Variants in GIGYF1 observed in about 807,000 individuals in gnomAD.
GIGYF1 encodes the protein GRB10 interacting GYF protein 1.
Under a neutral mutation model 147.1 loss-of-function variants are expected in GIGYF1, and 84 were observed. The ratio of observed to expected loss-of-function variants is 0.57; its 90% CI spans 0.48 to 0.68. The LOEUF is 0.68. Ranked by LOEUF, GIGYF1 falls within the 30% of genes least tolerant of loss-of-function variation. GIGYF1 has a pLI of 0.00. For synonymous variants in GIGYF1, 752 were observed against 589.5 expected, an observed-to-expected ratio of 1.28 and a Z score of -3.99; for missense variants, 1,485 against 1,393.7, an observed-to-expected ratio of 1.07 and a Z score of -1.04.
rs766950853 is a variant in GIGYF1 at position 100,685,157 on chromosome 7, T to C, written c.1193-11A>G. ...TCCCCCGAATATCATCTGGAAGGCA[T>C]GAGATAGGAGGTGGAAAGAAGGGCG... On this transcript the variant is annotated splice_polypyrimidine_tract_variant and intron_variant, in intron 13 of 26. Coordinates refer to ENST00000678049, the MANE Select transcript of GIGYF1 (RefSeq NM_001375765.1). The C allele has an allele frequency of 9.6e-6, 15 of 1,567,018 alleles. No individual in the cohort carries two copies. The highest frequency in any genetic ancestry group is 1.2e-5 in the Non-Finnish European group (14 of 1,151,044).
intron 8 of GIGYF1, 68 bp downstream of exon 8, chr7:100,687,230 A>G (rs1805442219): frequency 3.3e-5 from 50 of 1,506,346 alleles, no homozygotes; most frequent in Non-Finnish European, 4.4e-5. Flanking sequence ...GTTACCCTCT[A>G]GCGACAGGGC....
At position 100,685,113 on chromosome 7, in the gene GIGYF1, A is replaced by G; in HGVS notation, c.1226T>C (p.Val409Ala). The G allele has an allele frequency of 6.3e-7, 1 of 1,578,738 alleles. No homozygotes were observed. The change falls in exon 14 of 27, where the codon GTG (valine) becomes GCG (alanine). Residue 409 changes from valine to alanine, a missense_variant. By Grantham distance (64) the Val-to-Ala change is moderately conservative. Coordinates refer to ENST00000678049, the MANE Select transcript of GIGYF1 (RefSeq NM_001375765.1). ...TCCGGGTGGGCCAGCAGAGGAGCCC[A>G]CCCCGGGACTCAGCTGGATCCCCCG... ...DIRGIQLSPG[V>A]GSSAGPPGDL...
Position 100,683,925 on chromosome 7 carries a change from A to T in GIGYF1, c.1869-7T>A. ...CAGGTTCTGGTCCCCGCCTCTGAGGAGCAAATTGTGGATTCTTAGGACCCC... is the reference window on the plus strand; with the variant it reads ...CAGGTTCTGGTCCCCGCCTCTGAGGTGCAAATTGTGGATTCTTAGGACCCC... On this transcript the variant is annotated splice_polypyrimidine_tract_variant and splice_region_variant and intron_variant, in intron 18 of 26. Coordinates refer to ENST00000678049, the MANE Select transcript of GIGYF1 (RefSeq NM_001375765.1). 6.4e-7 allele frequency: 1 copy of T among 1,557,254 alleles called. No homozygotes were observed. Among genetic ancestry groups the T allele is most frequent in the Non-Finnish European group, 8.7e-7 (1 of 1,150,542 alleles).
chr7:100,685,556 G>A (rs1454249926), intron 12 of GIGYF1, 75 bp from the exon 13 acceptor site: 4 of 1,541,730 alleles, frequency 2.6e-6, no homozygotes, highest in Admixed American at 2.2e-5. Context: ...GCCCTTGAGT[G>A]TGGCTGGAAC....
At position 100,681,954 on chromosome 7, in the gene GIGYF1, G is replaced by A; in HGVS notation, c.2965C>T (p.Gln989Ter). 6.2e-7 allele frequency: 1 copy of A among 1,609,534 alleles called. No individual in the cohort carries two copies. The highest frequency in any genetic ancestry group is 8.5e-7 in the Non-Finnish European group (1 of 1,179,932). ...CCGAGTTTGGTGCTGTGGTTGGCCTGGAAGGCCGTCTGCAGCGAGGCGCTG... is the reference window on the plus strand; with the variant it reads ...CCGAGTTTGGTGCTGTGGTTGGCCTAGAAGGCCGTCTGCAGCGAGGCGCTG... ...LSSASLQTAF[Q>*]ANHSTKLGPG... The change falls in exon 26 of 27, where the codon CAG becomes TAG. Residue 989 changes from glutamine to a stop codon, truncating the protein, a stop_gained. Transcript: ENST00000678049. LOFTEE classifies it high-confidence loss of function.
rs370684447 is a variant in GIGYF1 at position 100,682,273 on chromosome 7, G to A, written c.2762-38C>T. The A allele has an allele frequency of 5.2e-5, 84 of 1,607,906 alleles. No homozygotes were observed. In the South Asian group the frequency reaches 6.8e-4, roughly 13 times the overall value. ...CGAAGGCTGTCAGGGCCCCCTGGCC[G>A]GGTCTGGAGACCCAGGTCCCGCCCA... On this transcript the variant is annotated intron_variant, in intron 24 of 26. Transcript: ENST00000678049.
At chr7:100,687,077 C>T in intron 8 of GIGYF1, 31 bp from the exon 9 acceptor site, 1 of 1,613,676 alleles carries the variant, frequency 6.2e-7, no homozygotes, top group African/African-American at 1.3e-5. Flanking sequence ...GGGTCAGAAA[C>T]AGTACAGCCT....
rs766468012 is a variant in GIGYF1, at chr7:100,686,083, C to T, written c.949-4G>A. On this transcript the variant is annotated splice_region_variant and splice_polypyrimidine_tract_variant and intron_variant, in intron 11 of 26. Coordinates refer to ENST00000678049, the MANE Select transcript of GIGYF1 (RefSeq NM_001375765.1). ...GAATGGGCTCCTTGGGGCCCTTCTG[C>T]ATGGGGCCGGGGTGGGGAGCAGAGA... 8 of 1,606,200 alleles carry T rather than the reference C, an allele frequency of 5.0e-6. No homozygotes were observed. The highest frequency in any genetic ancestry group is 6.0e-6 in the Non-Finnish European group (7 of 1,175,128).
At chr7:100,684,958 G>C in intron 14 of GIGYF1, 64 bp from the exon 15 acceptor site, 1 of 1,585,826 alleles carries the variant, frequency 6.3e-7, no homozygotes, top group Non-Finnish European at 8.6e-7. Context: ...GATGGGGATG[G>C]GGATGGAGCT....
rs1805082420 is a variant in GIGYF1, at chr7:100,684,133, G to A, written c.1755C>T (p.Leu585=). The change falls in exon 18 of 27, where the codon CTC becomes CTT. Residue 585 remains leucine (L), a synonymous_variant. Coordinates refer to ENST00000678049, the MANE Select transcript of GIGYF1 (RefSeq NM_001375765.1). Reference sequence around the variant, plus strand: ...GGTCCCCCAGAGCTGCCTTTTCTCGGAGCGCGCACTGTGGGAGCTGGCGGC... The same window carrying A: ...GGTCCCCCAGAGCTGCCTTTTCTCGAAGCGCGCACTGTGGGAGCTGGCGGC... ...VSSRQLPQCA[L]REKAALGDLT... is the part of the protein sequence containing the mutation. 1 of 1,608,930 alleles carries A rather than the reference G, an allele frequency of 6.2e-7. No individual in the cohort carries two copies. Among genetic ancestry groups the A allele is most frequent in the Non-Finnish European group, 8.5e-7 (1 of 1,179,732 alleles).
rs368438506 is a variant in GIGYF1, at chr7:100,682,531, G to A, written c.2601-49C>T. 3.8e-6 allele frequency: 6 copies of A among 1,598,814 alleles called. No individual in the cohort carries two copies. In the African/African-American group the frequency reaches 8.0e-5, roughly 21 times the overall value. ...GTTGGAAATCAGCTGGCAGGGGTTG[G>A]GGGGGTCTGCCACCTTCCCCCTCAG... On this transcript the variant is annotated intron_variant, in intron 23 of 26. Coordinates refer to ENST00000678049, the MANE Select transcript of GIGYF1 (RefSeq NM_001375765.1).
Position 100,684,889 on chromosome 7 carries a change from C to T in GIGYF1, c.1296G>A (p.Ala432=), listed in dbSNP as rs1215707923. 8 of 1,604,516 alleles carry T rather than the reference C, an allele frequency of 5.0e-6. No homozygotes were observed. Among genetic ancestry groups the T allele is most frequent in the Middle Eastern group, 3.3e-4 (2 of 6,016 alleles). ...CCTGCAGGGAGGCCACCAGCTTCTC[C>T]GCCTCCTGGATGCCCAGAAAAAGAA... ...DEGLKHLQQE[A]EKLVASLQDS... Residue 432 remains alanine, a synonymous_variant, in exon 15 of 27, where the codon GCG becomes GCA. Coordinates refer to ENST00000678049, the MANE Select transcript of GIGYF1 (RefSeq NM_001375765.1).
Position 100,682,430 on chromosome 7 carries a change from C to CT in GIGYF1, c.2652dup (p.Glu885ArgfsTer52). 1 of 1,613,692 alleles carries CT rather than the reference C, an allele frequency of 6.2e-7. No individual in the cohort carries two copies. The highest frequency in any genetic ancestry group is 8.5e-7 in the Non-Finnish European group (1 of 1,180,002). ...TGCAGCAGCTTCAGCAGCTTCTCTT[C>CT]TTCCTCCGTCTTTTTGCGAATGGGC... On this transcript the variant is annotated frameshift_variant, in exon 24 of 27. Coordinates refer to ENST00000678049, the MANE Select transcript of GIGYF1 (RefSeq NM_001375765.1). LOFTEE classifies it high-confidence loss of function.
Position 100,686,365 on chromosome 7 carries a change from G to C in GIGYF1, c.763C>G (p.Arg255Gly). Residue 255 changes from arginine (R) to glycine (G), a missense_variant, in exon 11 of 27, where the codon CGA (arginine) becomes GGA (glycine). Physicochemically the swap from Arg to Gly is moderately radical, Grantham distance 125. Coordinates refer to ENST00000678049, the MANE Select transcript of GIGYF1 (RefSeq NM_001375765.1). ...TCACCACACCCTCCTCGATCCCCTCGCAAATCAAATTCAAACTTGCGCCGC... is the reference window on the plus strand; with the variant it reads ...TCACCACACCCTCCTCGATCCCCTCCCAAATCAAATTCAAACTTGCGCCGC... ...ERRRKFEFDL[R>G]GDRGGCGEEE... is the part of the protein sequence containing the mutation. The C allele has an allele frequency of 1.2e-5, 19 of 1,606,238 alleles. No individual in the cohort carries two copies. Among genetic ancestry groups the C allele is most frequent in the Non-Finnish European group, 1.6e-5 (19 of 1,177,448 alleles).
intron 19 of GIGYF1, 83 bp from the exon 20 acceptor site, chr7:100,683,715 C>T (rs1805025121): frequency 1.3e-6 from 2 of 1,555,762 alleles, no homozygotes; most frequent in African/African-American, 2.7e-5. Context: ...GTGGGCTCCC[C>T]AGCCAGAATG....
At chr7:100,682,819 C>T in intron 22 of GIGYF1, 42 bp from the exon 23 acceptor site, 1 of 1,503,978 alleles carries the variant, frequency 6.6e-7, no homozygotes, top group Non-Finnish European at 8.9e-7. Flanking sequence ...ACAAAGGCAC[C>T]CCAGAAAAGC....
chr7:100,690,327 G>C (rs1462956891), intron 1 of GIGYF1, among the ~76,000 whole-genome samples: 1 of 152,166 alleles, frequency 6.6e-6, no homozygotes, highest in African/African-American at 2.4e-5. Context: ...GGAGGCATGA[G>C]GGTGGGAGAG....
At position 100,683,939 on chromosome 7, in the gene GIGYF1, T is replaced by G. The variant is rs750899316; in HGVS notation, c.1869-21A>C. On this transcript the variant is annotated intron_variant, in intron 18 of 26. Transcript: ENST00000678049. ...CGCCTCTGAGGAGCAAATTGTGGAT[T>G]CTTAGGACCCCAAATCCATCTCTGG... 40 of 1,559,710 alleles carry G rather than the reference T, an allele frequency of 2.6e-5. No individual in the cohort carries two copies. In the East Asian group the frequency reaches 5.2e-4, roughly 20 times the overall value.
chr7:100,690,714 G>A (rs556024322), intron 1 of GIGYF1, among the ~76,000 whole-genome samples: 63 of 150,608 alleles, frequency 4.2e-4, no homozygotes, highest in African/African-American at 1.3e-3. Context: ...CCCAGGAGGC[G>A]GAGGTTGCAG....
Sources: gnomAD v4.1 joint callset for allele counts (sites outside exome capture counted in the v4.1 genomes callset) on GRCh38, gnomAD v4.1.1 for gene constraint, MANE v1.5 for transcripts, NCBI Gene and HGNC (gene_info 2026-07-23, HGNC 2026-07-21) for gene names.